Variants in MAGI1 observed in about 807,000 individuals in gnomAD.
MAGI1 encodes the protein membrane associated guanylate kinase, WW and PDZ domain containing 1.
In MAGI1, 58 loss-of-function variants were observed where a neutral mutation model predicts 139.9. That is an observed-to-expected ratio of 0.41 (90% CI 0.34 to 0.52). The LOEUF is 0.52. MAGI1 is among the 20% of genes least tolerant of loss of function. The pLI, the probability that MAGI1 is intolerant of heterozygous loss-of-function variation, is 0.12. For missense variants in MAGI1, 1,874 were observed against 1,901.6 expected, an observed-to-expected ratio of 0.99 and a Z score of 0.27; for synonymous variants, 812 against 737.9, an observed-to-expected ratio of 1.10 and a Z score of -1.63.
At chr3:65,764,505 G>A (rs2037312692) in intron 1 of MAGI1, among the ~76,000 whole-genome samples, 1 of 152,154 alleles carries the variant, frequency 6.6e-6, no homozygotes, top group African/African-American at 2.4e-5. Context: ...AGGAACATCA[G>A]TTTATTTAAT....
intron 6 of MAGI1, 53 bp downstream of exon 6, chr3:65,453,205 C>T (rs1430547529): frequency 6.6e-7 from 1 of 1,515,176 alleles, no homozygotes; most frequent in East Asian, 2.3e-5. Flanking sequence ...AAAATTTGCA[C>T]ATGTGAACAG....
At chr3:65,387,321 TC>T in intron 14 of MAGI1, 1 of 875,824 alleles carries the variant, frequency 1.1e-6, no homozygotes, top group South Asian at 1.5e-5. Flanking sequence ...AACAGTCAGT[TC>T]AGCTTTCACA....
intron 1 of MAGI1, among the ~76,000 whole-genome samples, chr3:65,880,877 C>T (rs749282389): frequency 2.2e-5 from 3 of 137,522 alleles, no homozygotes; most frequent in East Asian, 2.0e-4. Flanking sequence ...CGTCCTCTTC[C>T]GCATTTTCAT....
At position 65,355,037 on chromosome 3, in the gene MAGI1, C is replaced by A. The variant is rs775105136; in HGVS notation, c.*1341G>T. On this transcript the variant is annotated 3_prime_UTR_variant, in exon 23 of 23. Transcript: ENST00000402939. ...GCAGCGGTTTGCTGTAGTGGTCCAA[C>A]AGGTACAAGCAAACATTTTGGCTCA... The A allele has an allele frequency of 1.3e-5, 2 of 152,596 alleles. No homozygotes were observed. The highest frequency in any genetic ancestry group is 2.9e-5 in the Non-Finnish European group (2 of 68,036). The allele number at this position is 152,596 out of a possible 1,614,324, so 9.5% of individuals were successfully genotyped here. A position where few individuals can be genotyped will look rare whatever the true frequency, so the allele number is the denominator to read the frequency against.
At chr3:65,791,791 A>G (rs184861096) in intron 1 of MAGI1, among the ~76,000 whole-genome samples, 231 of 152,316 alleles carry the variant, frequency 1.5e-3, no homozygotes, top group Admixed American at 2.4e-3. Flanking sequence ...TCCATAGCAG[A>G]AAAACATTCA....
chr3:65,773,405 T>C (rs2038114968), intron 1 of MAGI1, among the ~76,000 whole-genome samples: 1 of 151,974 alleles, frequency 6.6e-6, no homozygotes, highest in Non-Finnish European at 1.5e-5. Flanking sequence ...TGGCAGTGCA[T>C]GCCTGTAGTC....
intron 13 of MAGI1, among the ~76,000 whole-genome samples, chr3:65,399,608 A>G (rs1944692555): frequency 6.6e-6 from 1 of 152,220 alleles, no homozygotes; most frequent in Non-Finnish European, 1.5e-5. Context: ...GTAATTAAGA[A>G]CCAGCAGACT....
chr3:65,426,806 C>T (rs1393238047), intron 12 of MAGI1, among the ~76,000 whole-genome samples: 3 of 152,156 alleles, frequency 2.0e-5, no homozygotes, highest in African/African-American at 4.8e-5. Flanking sequence ...ACTTTCTATC[C>T]TATACATAAA....
At chr3:65,499,071 A>C (rs1559610664) in intron 2 of MAGI1, 6 of 977,862 alleles carry the variant, frequency 6.1e-6, no homozygotes, top group African/African-American at 1.8e-5. Flanking sequence ...AAAAAAAAAA[A>C]AACAAAAAAC....
intron 1 of MAGI1, among the ~76,000 whole-genome samples, chr3:65,695,525 T>C (rs1039773676): frequency 1.2e-4 from 18 of 152,346 alleles, no homozygotes; most frequent in African/African-American, 2.2e-4. Context: ...CAACTCCTTA[T>C]GTTCCAGGTC....
Position 65,612,025 on chromosome 3 carries a change from C to G in MAGI1, c.430+9947G>C, listed in dbSNP as rs113250414. On this transcript the variant is annotated intron_variant, in intron 2 of 22. Coordinates refer to ENST00000402939, the MANE Select transcript of MAGI1 (RefSeq NM_001033057.2). ...TCTTGTTTTAATATGTGCACAATAT[C>G]TTTCAGGCTAGTCTCTCTATACTTT... Among the ~76,000 whole-genome samples the G allele has an allele frequency of 2.0e-3, 297 of 152,054 alleles. 3 individuals carry two copies. Among genetic ancestry groups the G allele is most frequent in the African/African-American group, 6.9e-3 (287 of 41,494 alleles).
chr3:65,967,370 C>T (rs912782793), intron 1 of MAGI1, among the ~76,000 whole-genome samples: 10 of 152,128 alleles, frequency 6.6e-5, no homozygotes, highest in Non-Finnish European at 1.5e-5. Flanking sequence ...CCCAGAGTGT[C>T]ATCTCCTCCT....
chr3:65,692,399 G>C (rs1476790418), intron 1 of MAGI1, among the ~76,000 whole-genome samples: 1 of 152,118 alleles, frequency 6.6e-6, no homozygotes, highest in East Asian at 1.9e-4. Context: ...CTCATGTTAT[G>C]GGTGAAACTG....
intron 5 of MAGI1, among the ~76,000 whole-genome samples, chr3:65,457,072 G>A (rs1189733197): frequency 1.3e-5 from 2 of 151,908 alleles, no homozygotes; most frequent in Non-Finnish European, 2.9e-5. Flanking sequence ...AAACTTGTCT[G>A]TATCTACAAA....
At chr3:65,990,031 G>A (rs181409034) in intron 1 of MAGI1, among the ~76,000 whole-genome samples, 1 of 152,276 alleles carries the variant, frequency 6.6e-6, no homozygotes, top group East Asian at 1.9e-4. Flanking sequence ...TAAGAAAGTA[G>A]TTCAAGAATG....
chr3:65,995,771 C>T (rs532929637), intron 1 of MAGI1, among the ~76,000 whole-genome samples: 1 of 152,302 alleles, frequency 6.6e-6, no homozygotes, highest in African/African-American at 2.4e-5. Context: ...TTTCTATCCT[C>T]CTCAACAGCT....
At chr3:65,517,871 C>A (rs953904639) in intron 2 of MAGI1, among the ~76,000 whole-genome samples, 1 of 152,200 alleles carries the variant, frequency 6.6e-6, no homozygotes, top group African/African-American at 2.4e-5. Flanking sequence ...AGATCTCCAA[C>A]ACCAATTCCC....
At chr3:65,379,648 A>G (rs934708442) in intron 16 of MAGI1, 94 bp from the exon 17 acceptor site, 40 of 1,529,476 alleles carry the variant, frequency 2.6e-5, no homozygotes, top group Non-Finnish European at 3.3e-5. Context: ...GCTAGAAATC[A>G]AAACGTGAAC....
intron 1 of MAGI1, among the ~76,000 whole-genome samples, chr3:65,800,343 T>C (rs1006977942): frequency 1.1e-4 from 16 of 152,210 alleles, no homozygotes; most frequent in Admixed American, 6.5e-4. Context: ...ATGTTAAATA[T>C]TAAATATAAT....
Sources: allele counts gnomAD v4.1 joint callset (sites outside exome capture counted in the v4.1 genomes callset), GRCh38; gene constraint gnomAD v4.1.1; transcripts MANE v1.5; gene names NCBI Gene and HGNC (gene_info 2026-07-23, HGNC 2026-07-21).